Variants in CFAP299 observed in about 807,000 individuals in gnomAD.
CFAP299 encodes cilia and flagella associated protein 299.
A neutral mutation model predicts 27.0 loss-of-function variants in CFAP299; 21 were observed. The observed-to-expected ratio is 0.78, with a 90% CI of 0.55 to 1.12. CFAP299 has a LOEUF of 1.12. Among genes scored for constraint, CFAP299 ranks in the 50% most tolerant of loss-of-function variants. The pLI, the probability that CFAP299 is intolerant of heterozygous loss-of-function variation, is 0.00. For missense variants in CFAP299, 310 were observed against 276.6 expected (o/e 1.12, Z -0.86); for synonymous variants, 104 against 98.1 (o/e 1.06, Z -0.36).
intron 3 of CFAP299, among the ~76,000 whole-genome samples, chr4:80,787,234 TAATATA>T (rs1312916434): frequency 4.1e-5 from 6 of 147,672 alleles, no homozygotes; most frequent in Admixed American, 2.0e-4. Flanking sequence ...ATATAAAACA[TAATATA>T]TATATATAGT....
chr4:80,963,483 A>T, intron 5 of CFAP299, 34 bp from the exon 6 acceptor site: 2 of 1,423,808 alleles, frequency 1.4e-6, no homozygotes, highest in Non-Finnish European at 9.6e-7. Flanking sequence ...GTATTTTTAT[A>T]GACTTGACTA....
At chr4:80,899,351 G>C (rs1412259013) in intron 4 of CFAP299, among the ~76,000 whole-genome samples, 1 of 152,058 alleles carries the variant, frequency 6.6e-6, no homozygotes, top group Non-Finnish European at 1.5e-5. Flanking sequence ...TAAATCCTTG[G>C]GAAAGAATGC....
At chr4:80,931,202 T>C (rs1404939077) in intron 4 of CFAP299, among the ~76,000 whole-genome samples, 1 of 151,588 alleles carries the variant, frequency 6.6e-6, no homozygotes, top group African/African-American at 2.4e-5. Context: ...TTAGCATGGC[T>C]TCACGGGCAC....
At chr4:80,823,690 A>T (rs1379851166) in intron 3 of CFAP299, among the ~76,000 whole-genome samples, 1 of 152,174 alleles carries the variant, frequency 6.6e-6, no homozygotes, top group African/African-American at 2.4e-5. Context: ...TATCTACCTT[A>T]TGCCTGGTAC....
At chr4:80,692,386 C>T (rs200195196) in intron 3 of CFAP299, among the ~76,000 whole-genome samples, 2,796 of 151,606 alleles carry the variant, frequency 0.018, 54 homozygotes, top group Admixed American at 0.06. Context: ...TCAGAAATAA[C>T]GCCACATATC....
At position 80,441,898 on chromosome 4, in the gene CFAP299, G is replaced by A. The variant is rs907683771; in HGVS notation, c.242+79014G>A. Among the ~76,000 whole-genome samples, 3 of 152,248 alleles carry A rather than the reference G, an allele frequency of 2.0e-5. No homozygotes were observed. The East Asian group carries it at 5.8e-4, about 29-fold the overall frequency. ...AAATGGAAAACAAAAAAATGCAGGAGTTGCAATCCTACTGTCTGATAAAAC... is the reference window on the plus strand; with the variant it reads ...AAATGGAAAACAAAAAAATGCAGGAATTGCAATCCTACTGTCTGATAAAAC... On this transcript the variant is annotated intron_variant, in intron 2 of 5. Transcript: ENST00000358105.
chr4:80,653,002 C>A (rs1465035785), intron 3 of CFAP299, among the ~76,000 whole-genome samples: 1 of 152,056 alleles, frequency 6.6e-6, no homozygotes, highest in South Asian at 2.1e-4. Flanking sequence ...GAAGTAGAGT[C>A]CCCTCCTCTT....
chr4:80,818,448 C>T (rs1265502618), intron 3 of CFAP299, among the ~76,000 whole-genome samples: 15 of 151,928 alleles, frequency 9.9e-5, no homozygotes, highest in Admixed American at 9.9e-4. Context: ...TTTATATGTA[C>T]TTGGGTCTCT....
intron 3 of CFAP299, among the ~76,000 whole-genome samples, chr4:80,754,494 T>C (rs559481473): frequency 3.3e-5 from 5 of 152,234 alleles, no homozygotes; most frequent in African/African-American, 1.2e-4. Flanking sequence ...CTCAGTGTTT[T>C]GTACTTCCAT....
At chr4:80,758,997 T>C (rs1725406258) in intron 3 of CFAP299, among the ~76,000 whole-genome samples, 1 of 152,120 alleles carries the variant, frequency 6.6e-6, no homozygotes, top group Admixed American at 6.6e-5. Flanking sequence ...AAAGAAATAG[T>C]GAAGTTCAAA....
chr4:80,799,784 T>A (rs373094037), intron 3 of CFAP299, among the ~76,000 whole-genome samples: 1 of 32,328 alleles, frequency 3.1e-5, no homozygotes, highest in Non-Finnish European at 4.6e-5. Context: ...GATATATATA[T>A]TATATATTAT....
intron 3 of CFAP299, among the ~76,000 whole-genome samples, chr4:80,676,345 T>C (rs1317949695): frequency 6.6e-6 from 1 of 152,232 alleles, no homozygotes; most frequent in East Asian, 1.9e-4. Flanking sequence ...ATGTTGTATT[T>C]TTGAATTCAG....
intron 3 of CFAP299, among the ~76,000 whole-genome samples, chr4:80,646,778 T>C (rs994759316): frequency 3.3e-5 from 5 of 152,178 alleles, no homozygotes; most frequent in Non-Finnish European, 5.9e-5. Flanking sequence ...TCTTTCTCTG[T>C]ACTCTTTTTA....
At chr4:80,926,718 G>A (rs538733024) in intron 4 of CFAP299, among the ~76,000 whole-genome samples, 4 of 152,102 alleles carry the variant, frequency 2.6e-5, no homozygotes, top group African/African-American at 9.6e-5. Flanking sequence ...TATAAAAAAT[G>A]TCAATAGAGG....
intron 1 of CFAP299, among the ~76,000 whole-genome samples, chr4:80,348,919 G>A (rs887294853): frequency 6.6e-6 from 1 of 152,182 alleles, no homozygotes; most frequent in Non-Finnish European, 1.5e-5. Flanking sequence ...AGACATGAGT[G>A]CACATAATTT....
At chr4:80,855,586 G>A (rs892955243) in intron 3 of CFAP299, among the ~76,000 whole-genome samples, 22 of 152,164 alleles carry the variant, frequency 1.4e-4, no homozygotes, top group African/African-American at 5.3e-4. Context: ...TCCCCAGAGT[G>A]TGATGTTCCC....
intron 4 of CFAP299, among the ~76,000 whole-genome samples, chr4:80,887,083 G>C (rs1734007669): frequency 6.6e-6 from 1 of 152,014 alleles, no homozygotes; most frequent in Admixed American, 6.6e-5. Flanking sequence ...ATGGAATCTA[G>C]AAAATAGCCC....
chr4:80,376,403 T>G (rs564634591), intron 2 of CFAP299, among the ~76,000 whole-genome samples: 1 of 152,346 alleles, frequency 6.6e-6, no homozygotes, highest in South Asian at 2.1e-4. Flanking sequence ...TAAGGAAATA[T>G]GTTTTCATAT....
chr4:80,425,339 C>G (rs1727483807), intron 2 of CFAP299, among the ~76,000 whole-genome samples: 1 of 152,170 alleles, frequency 6.6e-6, no homozygotes, highest in African/African-American at 2.4e-5. Flanking sequence ...CCACATGGAA[C>G]AAATTCTTAG....
Sources: gnomAD v4.1 joint callset for allele counts (sites outside exome capture counted in the v4.1 genomes callset) on GRCh38, gnomAD v4.1.1 for gene constraint, MANE v1.5 for transcripts, NCBI Gene and HGNC (gene_info 2026-07-23, HGNC 2026-07-21) for gene names.